The following WIPF1 variants were observed in gnomAD, a reference collection of about 807,000 sequenced individuals.
WIPF1 encodes the protein WAS/WASL interacting protein family member 1.
A neutral mutation model predicts 35.4 loss-of-function variants in WIPF1; 13 were observed. The observed-to-expected ratio is 0.37, with a 90% confidence interval of 0.24 to 0.58. The LOEUF (loss-of-function observed/expected upper bound fraction) is 0.58. WIPF1 is among the 20% of genes least tolerant of loss of function. WIPF1 has a pLI of 0.74. For synonymous variants in WIPF1, 267 were observed against 266.3 expected (o/e 1.00, Z -0.02); for missense variants, 591 against 667.0 (o/e 0.89, Z 1.25).
chr2:174,594,018 ATT>A (rs1472279035), intron 1 of WIPF1, among the ~76,000 whole-genome samples: 1 of 152,238 alleles, frequency 6.6e-6, no homozygotes, highest in African/African-American at 2.4e-5. Flanking sequence ...GTTCTTATGC[ATT>A]GTTAGTCTCC....
At chr2:174,633,124 T>G (rs973765579) in intron 1 of WIPF1, among the ~76,000 whole-genome samples, 1 of 152,218 alleles carries the variant, frequency 6.6e-6, no homozygotes, top group Non-Finnish European at 1.5e-5. Flanking sequence ...CCACTAGGGC[T>G]GATATGTCCA....
intron 7 of WIPF1, among the ~76,000 whole-genome samples, chr2:174,565,193 C>A (rs999593884): frequency 6.6e-5 from 10 of 152,232 alleles, no homozygotes; most frequent in Middle Eastern, 3.4e-3. Context: ...CCGTGCCTGG[C>A]CTTCACTAAA....
intron 1 of WIPF1, among the ~76,000 whole-genome samples, chr2:174,626,187 TA>T (rs2105923468): frequency 6.6e-6 from 1 of 152,318 alleles, no homozygotes; most frequent in Non-Finnish European, 1.5e-5. Context: ...TTCTTTTTCT[TA>T]AAATAAGAAT....
rs138851206 is a variant in WIPF1, at chr2:174,638,852, C to T, written c.-39+43922G>A. Among the ~76,000 whole-genome samples the T allele has an allele frequency of 1.1e-3, 174 of 152,242 alleles. 2 individuals are homozygous for T. In the East Asian group the frequency reaches 0.02, roughly 17 times the overall value. ...ACAGTGCTACAATAAACACGGAGGG[C>T]GGATAACTCTTCAACATAATGATTT... On this transcript the variant is annotated intron_variant, in intron 1 of 8. Transcript: ENST00000272746.
chr2:174,625,009 A>C (rs114955261), intron 1 of WIPF1, among the ~76,000 whole-genome samples: 3,560 of 152,224 alleles, frequency 0.023, 170 homozygotes, highest in African/African-American at 0.082. Context: ...CCAGAGCCTT[A>C]AGGTCCTGGA....
Position 174,571,669 on chromosome 2 carries a change from G to A in WIPF1, c.1129+7C>T. 1 of 1,614,202 alleles carries A rather than the reference G, an allele frequency of 6.2e-7. No individual in the cohort carries two copies. The highest frequency in any genetic ancestry group is 1.3e-5 in the African/African-American group (1 of 75,040). On this transcript the variant is annotated splice_region_variant and intron_variant, in intron 5 of 7. Transcript: ENST00000679041. This position sits in a 1 kb window ranked among gnomAD's most constrained non-coding sequence, Gnocchi z 4.6. ...TTGGAAGCAACTCACTCCACGTCTT[G>A]TCATACCTGATCGGCCTGGCGGGTC...
At chr2:174,612,188 T>C (rs1416309291) in intron 1 of WIPF1, among the ~76,000 whole-genome samples, 1 of 152,176 alleles carries the variant, frequency 6.6e-6, no homozygotes, top group African/African-American at 2.4e-5. Context: ...TGTGCCACCA[T>C]ACCCCACCTA....
At chr2:174,661,878 T>G (rs1687768885) in intron 1 of WIPF1, among the ~76,000 whole-genome samples, 1 of 151,216 alleles carries the variant, frequency 6.6e-6, no homozygotes, top group Admixed American at 6.6e-5. Context: ...TCTGGGGGGG[T>G]GTGGCTGCCT....
At chr2:174,575,037 T>C in intron 4 of WIPF1, 167 bp downstream of exon 4, 1 of 885,156 alleles carries the variant, frequency 1.1e-6, no homozygotes, top group African/African-American at 1.7e-5. Context: ...TCCTGGTTAA[T>C]AATAATAATA....
In WIPF1 at chr2:174,642,790, T is replaced by C. The variant is rs528845518; in HGVS notation, c.-39+39984A>G. Among the ~76,000 whole-genome samples, 2 of 149,096 alleles carry C rather than the reference T, an allele frequency of 1.3e-5. 1 individual carries two copies. The highest frequency in any genetic ancestry group is 5.2e-5 in the African/African-American group (2 of 38,572). ...TCAGCCTCCCAAAGCAGTGGGATTA[T>C]AGGTGTGAGCCACTGCACCTGGCAC... is the stretch of plus-strand genomic sequence containing the variant. On this transcript the variant is annotated intron_variant, in intron 1 of 8. Coordinates refer to the WIPF1 transcript ENST00000272746.
chr2:174,673,854 T>C (rs1688073399), intron 1 of WIPF1: 1 of 152,012 alleles, frequency 6.6e-6, no homozygotes, highest in African/African-American at 2.4e-5. Context: ...AACACTTTTA[T>C]TATGGCAGAC....
At chr2:174,607,196 G>C (rs1686196002) in intron 1 of WIPF1, among the ~76,000 whole-genome samples, 1 of 152,096 alleles carries the variant, frequency 6.6e-6, no homozygotes, top group African/African-American at 2.4e-5. Flanking sequence ...GAGGGCAGGA[G>C]ATCGAGACCA....
At chr2:174,628,154 A>C (rs894099161) in intron 1 of WIPF1, among the ~76,000 whole-genome samples, 1 of 152,184 alleles carries the variant, frequency 6.6e-6, no homozygotes, top group African/African-American at 2.4e-5. Context: ...AATCTACAAA[A>C]AAATGCCATT....
chr2:174,680,028 G>C (rs1688215909), intron 1 of WIPF1, among the ~76,000 whole-genome samples: 1 of 152,286 alleles, frequency 6.6e-6, no homozygotes, highest in Non-Finnish European at 1.5e-5. Flanking sequence ...GTGGACAAAC[G>C]AATGAAGGAG....
intron 1 of WIPF1, among the ~76,000 whole-genome samples, chr2:174,643,221 A>T (rs1427672438): frequency 1.3e-5 from 2 of 149,334 alleles, no homozygotes; most frequent in East Asian, 3.8e-4. Context: ...ATGATCTTTT[A>T]AAAAAATTGT....
At position 174,562,401 on chromosome 2, in the gene WIPF1, C is replaced by A; in HGVS notation, c.*146G>T. On this transcript the variant is annotated 3_prime_UTR_variant, in exon 8 of 8. Coordinates refer to ENST00000679041, the MANE Select transcript of WIPF1 (RefSeq NM_001375834.1). ...AGGTGCATTTCTTACCGATTCCCAC[C>A]CACACACGCATATTCCCACTCCCCC... The A allele has an allele frequency of 6.6e-7, 1 of 1,510,516 alleles. No individual in the cohort carries two copies. Among genetic ancestry groups the A allele is most frequent in the South Asian group, 1.3e-5 (1 of 78,362 alleles). The allele number at this position is 1,510,516 out of a possible 1,614,324, so 93.6% of individuals were successfully genotyped here.
chr2:174,678,153 G>C (rs566966669), intron 1 of WIPF1, among the ~76,000 whole-genome samples: 45 of 152,318 alleles, frequency 3.0e-4, no homozygotes, highest in Non-Finnish European at 4.3e-4. Flanking sequence ...CCAGATCATA[G>C]AAAGTTTTGA....
chr2:174,598,970 T>C (rs1685907990), upstream of WIPF1, among the ~76,000 whole-genome samples: 3 of 152,350 alleles, frequency 2.0e-5, no homozygotes, highest in Admixed American at 2.0e-4. Context: ...ACACATAGTA[T>C]ATAACTCTGA....
At chr2:174,654,492 A>G (rs2105966132) in intron 1 of WIPF1, among the ~76,000 whole-genome samples, 1 of 152,232 alleles carries the variant, frequency 6.6e-6, no homozygotes, top group South Asian at 2.1e-4. Flanking sequence ...TTACTTTTCT[A>G]ATTTTTGAAC....
Sources: allele counts gnomAD v4.1 joint callset (sites outside exome capture counted in the v4.1 genomes callset), GRCh38; gene constraint gnomAD v4.1.1; non-coding constraint Gnocchi (gnomAD v3.1); transcripts MANE v1.5; gene names NCBI Gene and HGNC (gene_info 2026-07-23, HGNC 2026-07-21).